Variants in GEN1 observed in about 807,000 individuals in gnomAD.
The protein encoded by GEN1 is flap endonuclease GEN homolog 1.
A neutral mutation model predicts 67.6 loss-of-function variants in GEN1; 64 were observed. That is an observed-to-expected ratio of 0.95 (90% CI 0.77 to 1.17). The LOEUF (loss-of-function observed/expected upper bound fraction) is 1.17. Among genes scored for constraint, GEN1 ranks in the 50% most tolerant of loss-of-function variants. The probability of loss-of-function intolerance (pLI) is 0.00; values close to 1 mark genes in which losing one functional copy is unlikely to be tolerated. For missense variants in GEN1, 1,058 were observed against 1,048.3 expected (o/e 1.01, Z -0.13); for synonymous variants, 371 against 359.4 (o/e 1.03, Z -0.37).
Position 17,783,224 on chromosome 2 carries a change from A to G in GEN1, c.*1285A>G, listed in dbSNP as rs976797435. On this transcript the variant is annotated 3_prime_UTR_variant, in exon 14 of 14. Coordinates refer to ENST00000381254, the MANE Select transcript of GEN1 (RefSeq NM_001130009.3). ...AGGTGTGTGCCACCATGCCTGGCTA[A>G]TTTTTAGTATTTTTAGTAGAGATGG... The G allele has an allele frequency of 6.6e-6, 1 of 152,102 alleles. No homozygotes were observed. Among genetic ancestry groups the G allele is most frequent in the Non-Finnish European group, 1.5e-5 (1 of 68,110 alleles). 9.4% of individuals were successfully genotyped at this position (152,102 alleles called of 1,614,324 possible).
In GEN1 at chr2:17,776,577, T is replaced by C. The variant is rs1344296928; in HGVS notation, c.1203-1425T>C. 2.0e-5 allele frequency among the ~76,000 whole-genome samples: 3 copies of C among 152,204 alleles called. No individual in the cohort carries two copies. The East Asian group carries it at 5.8e-4, about 29-fold the overall frequency. ...AAGTATGTGAGTATTCATTGTACTA[T>C]TTTTGCAACTTTTATAAAGGTTTGA... is the stretch of plus-strand genomic sequence containing the variant. On this transcript the variant is annotated intron_variant, in intron 11 of 13. Transcript: ENST00000381254.
Position 17,781,902 on chromosome 2 carries a change from T to G in GEN1, c.2690T>G (p.Leu897Ter), listed in dbSNP as rs1672861171. The G allele has an allele frequency of 6.4e-7, 1 of 1,569,812 alleles. No individual in the cohort carries two copies. Among genetic ancestry groups the G allele is most frequent in the Non-Finnish European group, 8.6e-7 (1 of 1,165,024 alleles). Residue 897 changes from leucine (L) to a stop codon, truncating the protein, a stop_gained, in exon 14 of 14, where the codon TTA becomes TGA. Coordinates refer to ENST00000381254, the MANE Select transcript of GEN1 (RefSeq NM_001130009.3). LOFTEE classifies it high-confidence loss of function. ...ACTTGTTTGGATAGCCCTCTTCCTTTACGCCAGAGATTAAAACTAAGATTC... is the reference window on the plus strand; with the variant it reads ...ACTTGTTTGGATAGCCCTCTTCCTTGACGCCAGAGATTAAAACTAAGATTC... Reference protein sequence around the residue: ...SGTCLDSPLPLRQRLKLRFQS... With the variant: ...SGTCLDSPLP
chr2:17,778,248 G>A (rs1184890158), intron 12 of GEN1, among the ~76,000 whole-genome samples, 185 bp downstream of exon 12: 3 of 119,464 alleles, frequency 2.5e-5, no homozygotes, highest in Admixed American at 8.6e-5. Context: ...GTACATATAT[G>A]TATACACACA....
chr2:17,762,689 G>T (rs968443099), intron 3 of GEN1, among the ~76,000 whole-genome samples: 1 of 152,110 alleles, frequency 6.6e-6, no homozygotes, highest in Non-Finnish European at 1.5e-5. Flanking sequence ...ACCCCTGATT[G>T]TATATGTTAT....
chr2:17,765,020 A>G lies in GEN1; in HGVS notation c.472A>G (p.Thr158Ala). The G allele has an allele frequency of 1.2e-6, 2 of 1,614,212 alleles. No homozygotes were observed. The highest frequency in any genetic ancestry group is 1.7e-6 in the Non-Finnish European group (2 of 1,180,018). Residue 158 changes from threonine to alanine, a missense_variant, in exon 4 of 14, where the codon ACT becomes GCT. Transcript: ENST00000381254. ...TGGCTGCCTCACCAATGATGGAGAT[A>G]CTTTCCTTTATGGGGCCCAGACTGT... ...VDGCLTNDGD[T>A]FLYGAQTVYR...
chr2:17,754,789 C>G (rs1390246070), intron 1 of GEN1: 1 of 152,332 alleles, frequency 6.6e-6, no homozygotes, highest in East Asian at 1.9e-4. Context: ...TAGTTATTTA[C>G]AATCAGTCTT....
intron 10 of GEN1, 104 bp from the exon 11 acceptor site, chr2:17,774,167 T>G (rs944045062): frequency 1.9e-6 from 1 of 519,214 alleles, no homozygotes. Context: ...TGATACTACT[T>G]TAACTTACGT....
chr2:17,777,350 C>T (rs540382362), intron 11 of GEN1, among the ~76,000 whole-genome samples: 2 of 152,190 alleles, frequency 1.3e-5, no homozygotes, highest in African/African-American at 4.8e-5. Context: ...TAAGCCAAAA[C>T]TCCCAAAGTA....
chr2:17,766,348 T>G (rs1220661158), intron 4 of GEN1, among the ~76,000 whole-genome samples: 1 of 152,106 alleles, frequency 6.6e-6, no homozygotes, highest in Admixed American at 6.5e-5. Flanking sequence ...TTTTGTATTT[T>G]TAGTAGAGAT....
At position 17,782,073 on chromosome 2, in the gene GEN1, CAA is replaced by C. The variant is rs1168114782; in HGVS notation, c.*136_*137del. 2 of 546,046 alleles carry C rather than the reference CAA, an allele frequency of 3.7e-6. No homozygotes were observed. Among genetic ancestry groups the C allele is most frequent in the Non-Finnish European group, 6.3e-6 (2 of 316,850 alleles). The allele number at this position is 546,046 out of a possible 1,614,324, so 33.8% of individuals were successfully genotyped here. A position where few individuals can be genotyped will look rare whatever the true frequency, so the allele number is the denominator to read the frequency against. ...GTCATGAAACACTTGCCATTTTAAT[CAA>C]AGTTGTAATTTTTAAAAAGTCACCT... On this transcript the variant is annotated 3_prime_UTR_variant, in exon 14 of 14. Coordinates refer to ENST00000381254, the MANE Select transcript of GEN1 (RefSeq NM_001130009.3).
In GEN1 at chr2:17,781,225, T is replaced by C. The variant is rs754239572; in HGVS notation, c.2013T>C (p.Asp671=). ...GCATTACTGATTTATGTCTTCAGGATTTGCCTTTAAAGGAACGAATATTTA... is the reference window on the plus strand; with the variant it reads ...GCATTACTGATTTATGTCTTCAGGACTTGCCTTTAAAGGAACGAATATTTA... The part of the protein sequence containing the change: ...LSGITDLCLQ[D]LPLKERIFTK... Residue 671 remains aspartate (D), a synonymous_variant, in exon 14 of 14, where the codon GAT becomes GAC. Transcript: ENST00000381254. The C allele has an allele frequency of 3.1e-6, 5 of 1,613,676 alleles. No individual in the cohort carries two copies. Among genetic ancestry groups the C allele is most frequent in the Non-Finnish European group, 4.2e-6 (5 of 1,179,634 alleles).
At chr2:17,754,472 G>A (rs1671299636) in intron 1 of GEN1, 127 bp downstream of exon 1, 2 of 151,532 alleles carry the variant, frequency 1.3e-5, no homozygotes, top group Admixed American at 1.3e-4. Flanking sequence ...GACTCCCTTT[G>A]AATAAAGTAG....
rs187330445 is a variant in GEN1, at chr2:17,760,680, G to A, written c.161+576G>A. 2.6e-3 allele frequency among the ~76,000 whole-genome samples: 402 copies of A among 152,262 alleles called. 4 individuals carry two copies. The highest frequency in any genetic ancestry group is 8.2e-3 in the African/African-American group (341 of 41,544). On this transcript the variant is annotated intron_variant, in intron 2 of 13. Transcript: ENST00000381254. The stretch of plus-strand genomic sequence containing the variant: ...CTCACGCCTGTAATCCCAGCACTTT[G>A]GGAGGCCGAGGCAGGTGGATCACAA...
Position 17,759,959 on chromosome 2 carries a change from T to G in GEN1, c.16T>G (p.Leu6Val), listed in dbSNP as rs1407315690. The G allele has an allele frequency of 1.2e-6, 2 of 1,613,936 alleles. No individual in the cohort carries two copies. Among genetic ancestry groups the G allele is most frequent in the Admixed American group, 3.3e-5 (2 of 59,986 alleles). The change falls in exon 2 of 14, where the codon TTG (leucine) becomes GTG (valine). Residue 6 changes from leucine to valine, a missense_variant. Coordinates refer to ENST00000381254, the MANE Select transcript of GEN1 (RefSeq NM_001130009.3). ...AATCACCAGAATGGGAGTGAATGACTTGTGGCAAATTTTGGAGCCTGTTAA... is the reference window on the plus strand; with the variant it reads ...AATCACCAGAATGGGAGTGAATGACGTGTGGCAAATTTTGGAGCCTGTTAA... MGVND[L>V]WQILEPVKQH...
chr2:17,768,656 T>C (rs1209058214), intron 5 of GEN1, 82 bp from the exon 6 acceptor site: 6 of 996,608 alleles, frequency 6.0e-6, no homozygotes, highest in South Asian at 2.9e-5. Flanking sequence ...TTTCAGCTGC[T>C]GACTCTTCCG....
In GEN1 at chr2:17,780,053, C is replaced by T. The variant is rs774634942; in HGVS notation, c.1340C>T (p.Ala447Val). ...ATTGAGGAAGAATCATTGTTTGAAG[C>T]AGCATATCCTGAGATCGTTGCTGTT... ...LTIEEESLFE[A>V]AYPEIVAVYQ... Residue 447 changes from alanine (A) to valine (V), a missense_variant, in exon 13 of 14, where the codon GCA (alanine) becomes GTA (valine). Ala to Val is a moderately conservative substitution (Grantham distance 64). Coordinates refer to ENST00000381254, the MANE Select transcript of GEN1 (RefSeq NM_001130009.3). 4 of 1,608,304 alleles carry T rather than the reference C, an allele frequency of 2.5e-6. No individual in the cohort carries two copies. In the Admixed American group the frequency reaches 5.0e-5, roughly 20 times the overall value.
chr2:17,771,994 G>A (rs555025383), intron 7 of GEN1, among the ~76,000 whole-genome samples: 1 of 152,076 alleles, frequency 6.6e-6, no homozygotes, highest in South Asian at 2.1e-4. Flanking sequence ...CTATTGTATA[G>A]TTTTTTGATA....
In GEN1 at chr2:17,764,990, G is replaced by T. The variant is rs760439371; in HGVS notation, c.442G>T (p.Val148Phe). The T allele has an allele frequency of 1.9e-6, 3 of 1,614,086 alleles. No individual in the cohort carries two copies. The highest frequency in any genetic ancestry group is 2.5e-6 in the Non-Finnish European group (3 of 1,180,028). The change falls in exon 4 of 14, where the codon GTC (valine) becomes TTC (phenylalanine). Residue 148 changes from valine (V) to phenylalanine (F), a missense_variant. Val to Phe is a conservative substitution (Grantham distance 50). Transcript: ENST00000381254. Reference protein sequence around the residue: ...MCAYLNAGGHVDGCLTNDGDT... With the variant: ...MCAYLNAGGHFDGCLTNDGDT... ...TGCTTATCTCAATGCTGGTGGTCAT[G>T]TCGATGGCTGCCTCACCAATGATGG...
chr2:17,764,509 G>A (rs1405056085), intron 3 of GEN1, among the ~76,000 whole-genome samples: 1 of 152,048 alleles, frequency 6.6e-6, no homozygotes, highest in Non-Finnish European at 1.5e-5. Flanking sequence ...CAACACAAAA[G>A]TAACCCATCA....
Sources: gnomAD v4.1 joint callset for allele counts (sites outside exome capture counted in the v4.1 genomes callset) on GRCh38, gnomAD v4.1.1 for gene constraint, MANE v1.5 for transcripts, NCBI Gene and HGNC (gene_info 2026-07-23, HGNC 2026-07-21) for gene names.